Variants in NRG3 observed in about 807,000 individuals in gnomAD.
NRG3 encodes pro-neuregulin-3, membrane-bound isoform.
NRG3 carries 31 observed loss-of-function variants against 66.9 expected under a neutral mutation model. The observed-to-expected ratio is 0.46, with a 90% confidence interval of 0.35 to 0.63. NRG3 has a LOEUF of 0.63. Among genes scored for constraint, NRG3 ranks in the 20% least tolerant of loss-of-function variants. The pLI is 0.00. For synonymous variants in NRG3, 393 were observed against 359.4 expected, an observed-to-expected ratio of 1.09 and a Z score of -1.06; for missense variants, 910 against 878.9, an observed-to-expected ratio of 1.04 and a Z score of -0.45.
At chr10:82,845,173 A>G (rs2063248604) in intron 3 of NRG3, among the ~76,000 whole-genome samples, 2 of 152,214 alleles carry the variant, frequency 1.3e-5, no homozygotes, top group African/African-American at 4.8e-5. Flanking sequence ...ATAGAAAATA[A>G]AAAATAAAGG....
intron 1 of NRG3, among the ~76,000 whole-genome samples, chr10:81,986,692 T>A (rs559985597): frequency 6.6e-6 from 1 of 152,308 alleles, no homozygotes; most frequent in South Asian, 2.1e-4. Flanking sequence ...TTGAATTTTT[T>A]ATTTTATTTT....
chr10:82,664,711 G>A (rs1202485071), intron 2 of NRG3, among the ~76,000 whole-genome samples: 8 of 151,910 alleles, frequency 5.3e-5, no homozygotes, highest in Non-Finnish European at 1.2e-4. Context: ...GCTTCTCAAT[G>A]AGGCACATGA....
intron 3 of NRG3, among the ~76,000 whole-genome samples, chr10:82,768,066 C>G (rs558568551): frequency 3.9e-5 from 6 of 152,142 alleles, no homozygotes; most frequent in Non-Finnish European, 8.8e-5. Flanking sequence ...GAGTCACACT[C>G]TCTCAACAGA....
intron 2 of NRG3, among the ~76,000 whole-genome samples, chr10:82,393,140 A>T (rs1263865904): frequency 6.6e-6 from 1 of 152,148 alleles, no homozygotes; most frequent in African/African-American, 2.4e-5. Context: ...GGCAATTCAA[A>T]GTATCAACAC....
At chr10:82,102,003 G>GTATATATATATATATATATATATATA (rs142461785) in intron 1 of NRG3, among the ~76,000 whole-genome samples, 2 of 129,222 alleles carry the variant, frequency 1.5e-5, no homozygotes, top group Non-Finnish European at 3.4e-5. Context: ...ATATGTGTGC[G>GTATATATATATATATATATATATATA]TATATATATA....
chr10:82,334,426 T>G (rs2082287178), intron 1 of NRG3, among the ~76,000 whole-genome samples: 1 of 152,160 alleles, frequency 6.6e-6, no homozygotes, highest in African/African-American at 2.4e-5. Flanking sequence ...ACAAAAGGAA[T>G]GTGGAATTCT....
At chr10:82,359,360 T>C (rs1045505494) in intron 2 of NRG3, among the ~76,000 whole-genome samples, 9 of 152,196 alleles carry the variant, frequency 5.9e-5, no homozygotes, top group African/African-American at 2.2e-4. Context: ...CCTTCCTTTA[T>C]TAATTTCAGT....
At chr10:82,859,490 G>A (rs536313989) in intron 3 of NRG3, among the ~76,000 whole-genome samples, 4 of 152,228 alleles carry the variant, frequency 2.6e-5, no homozygotes, top group African/African-American at 9.6e-5. Flanking sequence ...CCTGAGATTG[G>A]AATCAAGGCA....
intron 3 of NRG3, among the ~76,000 whole-genome samples, chr10:82,753,379 A>G (rs1254226321): frequency 6.6e-6 from 1 of 151,822 alleles, no homozygotes; most frequent in Non-Finnish European, 1.5e-5. Context: ...AGCTATTTTT[A>G]TTTAAGGGAA....
intron 1 of NRG3, among the ~76,000 whole-genome samples, chr10:82,290,779 A>G (rs2134591789): frequency 6.7e-6 from 1 of 149,966 alleles, no homozygotes; most frequent in African/African-American, 2.5e-5. Context: ...GACTACAGGC[A>G]TCCACCACCA....
At chr10:82,467,150 G>A (rs1268153083) in intron 2 of NRG3, among the ~76,000 whole-genome samples, 5 of 152,168 alleles carry the variant, frequency 3.3e-5, no homozygotes, top group African/African-American at 1.2e-4. Context: ...GTCAAGCACT[G>A]CACTTTATTG....
At position 81,926,552 on chromosome 10, in the gene NRG3, A is replaced by G. The variant is rs116777118; in HGVS notation, c.823+50389A>G. Reference sequence around the variant, plus strand: ...TTTATTTTTTTTTAAGGATCCTGCTAATTTTAGCAGATTTTATTTATGCCA... The same window carrying G: ...TTTATTTTTTTTTAAGGATCCTGCTGATTTTAGCAGATTTTATTTATGCCA... On this transcript the variant is annotated intron_variant, in intron 1 of 8. Coordinates refer to ENST00000372141, the MANE Select transcript of NRG3 (RefSeq NM_001010848.4). Among the ~76,000 whole-genome samples the G allele has an allele frequency of 5.4e-3, 827 of 152,286 alleles. 8 individuals carry two copies. Among genetic ancestry groups the G allele is most frequent in the African/African-American group, 0.019 (789 of 41,548 alleles).
At chr10:81,989,430 C>G (rs2060651361) in intron 1 of NRG3, among the ~76,000 whole-genome samples, 1 of 151,774 alleles carries the variant, frequency 6.6e-6, no homozygotes, top group Non-Finnish European at 1.5e-5. Context: ...AGAAACTCGA[C>G]AGAGAAAGAA....
At chr10:82,083,216 T>A (rs1376673704) in intron 1 of NRG3, among the ~76,000 whole-genome samples, 1 of 152,154 alleles carries the variant, frequency 6.6e-6, no homozygotes, top group Non-Finnish European at 1.5e-5. Context: ...AGTGTTTGGC[T>A]CTGTCCCATA....
At chr10:82,451,099 C>T (rs1459746094) in intron 2 of NRG3, among the ~76,000 whole-genome samples, 1 of 152,146 alleles carries the variant, frequency 6.6e-6, no homozygotes, top group African/African-American at 2.4e-5. Flanking sequence ...CCTATGTGTG[C>T]CAGATGGTGG....
chr10:82,461,898 A>T (rs1214506621), intron 2 of NRG3, among the ~76,000 whole-genome samples: 1 of 152,204 alleles, frequency 6.6e-6, no homozygotes, highest in East Asian at 1.9e-4. Context: ...TGGGAGGCTG[A>T]GGTGGGTGGA....
chr10:82,015,599 T>C (rs1438883799), intron 1 of NRG3, among the ~76,000 whole-genome samples: 2 of 152,028 alleles, frequency 1.3e-5, no homozygotes, highest in African/African-American at 4.8e-5. Flanking sequence ...TATAAGGGGC[T>C]CTTTCCTTTT....
At chr10:82,454,766 CA>C (rs1174183806) in intron 2 of NRG3, among the ~76,000 whole-genome samples, 16 of 152,012 alleles carry the variant, frequency 1.1e-4, no homozygotes, top group Non-Finnish European at 2.1e-4. Context: ...TCAAAGCAAA[CA>C]AAAAGTTAAC....
At chr10:82,075,307 T>C (rs764296215) in intron 1 of NRG3, among the ~76,000 whole-genome samples, 3 of 152,198 alleles carry the variant, frequency 2.0e-5, no homozygotes, top group Non-Finnish European at 4.4e-5. Flanking sequence ...TATTTTTGTG[T>C]CTTTGATAGT....
Sources: allele counts gnomAD v4.1 joint callset (sites outside exome capture counted in the v4.1 genomes callset), GRCh38; gene constraint gnomAD v4.1.1; transcripts MANE v1.5; gene names NCBI Gene and HGNC (gene_info 2026-07-23, HGNC 2026-07-21).